The following RBM27 variants were observed in gnomAD, a reference collection of about 807,000 sequenced individuals.
RBM27 encodes the protein RNA binding motif protein 27.
A neutral mutation model predicts 135.3 loss-of-function variants in RBM27; 22 were observed. The ratio of observed to expected loss-of-function variants is 0.16; its 90% CI spans 0.12 to 0.23. The LOEUF (loss-of-function observed/expected upper bound fraction) is 0.23, where lower values mean the gene tolerates loss of function less well. RBM27 is among the 10% of genes least tolerant of loss of function. RBM27 has a pLI of 1.00. For synonymous variants in RBM27, 481 were observed against 442.4 expected, an observed-to-expected ratio of 1.09 and a Z score of -1.10; for missense variants, 1,009 against 1,281.0, an observed-to-expected ratio of 0.79 and a Z score of 3.24.
rs140447623 is a variant in RBM27 at position 146,228,257 on chromosome 5, A to G, written c.304-689A>G. ...ATTATCAGGTAGATGGACATGTTTCATAATTTATAGAGGGACCATTCTTTC... is the reference window on the plus strand; with the variant it reads ...ATTATCAGGTAGATGGACATGTTTCGTAATTTATAGAGGGACCATTCTTTC... On this transcript the variant is annotated intron_variant, in intron 3 of 20. Transcript: ENST00000265271. Among the ~76,000 whole-genome samples, 450 of 147,992 alleles carry G rather than the reference A, an allele frequency of 3.0e-3. 2 individuals are homozygous for G. The highest frequency in any genetic ancestry group is 0.011 in the Middle Eastern group (3 of 284).
chr5:146,224,694 A>C (rs1214659371), intron 3 of RBM27, among the ~76,000 whole-genome samples: 1 of 152,130 alleles, frequency 6.6e-6, no homozygotes, highest in Non-Finnish European at 1.5e-5. Context: ...GAAAGAAAAA[A>C]AAAAATTACG....
chr5:146,211,117 T>C (rs2126678663), intron 1 of RBM27, among the ~76,000 whole-genome samples: 1 of 151,040 alleles, frequency 6.6e-6, no homozygotes, highest in African/African-American at 2.4e-5. Flanking sequence ...TACAAAAAAA[T>C]AAAAAAAATA....
chr5:146,259,362 G>T (rs962327824), intron 11 of RBM27, among the ~76,000 whole-genome samples: 3 of 151,826 alleles, frequency 2.0e-5, no homozygotes, highest in African/African-American at 7.2e-5. Context: ...AAATTAGCCA[G>T]GTGTGGTGGC....
At chr5:146,215,715 T>C (rs1756160873) in intron 1 of RBM27, among the ~76,000 whole-genome samples, 1 of 152,198 alleles carries the variant, frequency 6.6e-6, no homozygotes, top group African/African-American at 2.4e-5. Flanking sequence ...ATCTGTTTTT[T>C]AAGGTGTTTA....
At chr5:146,234,850 A>G (rs1331251657) in intron 7 of RBM27, among the ~76,000 whole-genome samples, 2 of 151,914 alleles carry the variant, frequency 1.3e-5, no homozygotes, top group African/African-American at 2.4e-5. Flanking sequence ...CCTGGGCAAG[A>G]TGGCGAAACC....
chr5:146,219,204 G>T, intron 2 of RBM27, 101 bp downstream of exon 2: 1 of 765,548 alleles, frequency 1.3e-6, no homozygotes, highest in Non-Finnish European at 2.1e-6. Flanking sequence ...AAAGAAAGTA[G>T]TCAGAGTCCT....
intron 8 of RBM27, among the ~76,000 whole-genome samples, chr5:146,242,086 G>A (rs780059768): frequency 6.6e-5 from 10 of 151,780 alleles, no homozygotes; most frequent in Non-Finnish European, 1.0e-4. Flanking sequence ...CATCACACAC[G>A]GCCTCAAGGA....
chr5:146,234,469 T>G (rs1282967218), intron 7 of RBM27, among the ~76,000 whole-genome samples: 1 of 151,764 alleles, frequency 6.6e-6, no homozygotes, highest in Admixed American at 6.6e-5. Context: ...CACCAGTATG[T>G]ACTTCAGTAT....
intron 8 of RBM27, among the ~76,000 whole-genome samples, chr5:146,241,362 CT>C (rs1757401358): frequency 6.6e-6 from 1 of 152,174 alleles, no homozygotes. Context: ...GTGCCAGACA[CT>C]AGGGAGCCAA....
intron 7 of RBM27, among the ~76,000 whole-genome samples, chr5:146,235,692 C>A (rs1311434138): frequency 1.4e-5 from 2 of 144,042 alleles, no homozygotes; most frequent in Non-Finnish European, 3.0e-5. Context: ...CTTTTATTTT[C>A]TTTTTGAGAC....
Position 146,233,554 on chromosome 5 carries a change from C to T in RBM27, c.955C>T (p.Pro319Ser), listed in dbSNP as rs749579647. 3.1e-6 allele frequency: 5 copies of T among 1,613,528 alleles called. No individual in the cohort carries two copies. Among genetic ancestry groups the T allele is most frequent in the South Asian group, 1.1e-5 (1 of 91,000 alleles). The change falls in exon 7 of 21, where the codon CCT (proline) becomes TCT (serine). Residue 319 changes from proline (P) to serine (S), a missense_variant. Physicochemically the swap from Pro to Ser is moderately conservative, Grantham distance 74. Around this residue, in one of 6 missense-constraint regions of RBM27, gnomAD observed 329 missense variants for 368.1 expected, o/e 0.89. Coordinates refer to ENST00000265271, the MANE Select transcript of RBM27 (RefSeq NM_018989.2). The part of the protein sequence containing the change: ...ALPSMIPFPP[P>S]PPGLPPPPPP... ...GCCAAGTATGATTCCTTTCCCACCC[C>T]CTCCTCCTGGGCTTCCTCCTCCACC...
intron 1 of RBM27, among the ~76,000 whole-genome samples, chr5:146,211,464 C>CTTTT (rs57117642): frequency 0.02 from 982 of 49,974 alleles, 15 homozygotes; most frequent in Non-Finnish European, 0.022. Flanking sequence ...ATGGTCTTAT[C>CTTTT]TTTTTTTTTT....
intron 19 of RBM27, among the ~76,000 whole-genome samples, chr5:146,275,868 T>G (rs1451058992): frequency 1.3e-5 from 2 of 152,176 alleles, no homozygotes; most frequent in Non-Finnish European, 2.9e-5. Flanking sequence ...CTCATTTAAC[T>G]GTAAGAATTT....
chr5:146,271,375 A>G (rs900655451), intron 18 of RBM27, 108 bp from the exon 19 acceptor site: 19 of 1,040,196 alleles, frequency 1.8e-5, no homozygotes, highest in Non-Finnish European at 1.9e-5. Flanking sequence ...ACTCGAGCCT[A>G]GGCAACGAGA....
intron 8 of RBM27, among the ~76,000 whole-genome samples, chr5:146,246,331 C>G (rs906260363): frequency 1.3e-5 from 2 of 152,020 alleles, no homozygotes; most frequent in African/African-American, 2.4e-5. Context: ...TTTATTCTGA[C>G]TAGAGTTAAT....
In RBM27 at chr5:146,233,696, C is replaced by G. The variant is rs1023976725; in HGVS notation, c.1097C>G (p.Pro366Arg). Residue 366 changes from proline to arginine, a missense_variant, in exon 7 of 21, where the codon CCC (proline) becomes CGC (arginine). Transcript: ENST00000265271. ...GGCCATAGTATGAGACTTCCTGTTC[C>G]CCAAGGACATGGTCAGCCTCCACCA... ...GPGHSMRLPV[P>R]QGHGQPPPSV... is the part of the protein sequence containing the mutation. 2.0e-6 allele frequency: 3 copies of G among 1,497,852 alleles called. No homozygotes were observed. Among genetic ancestry groups the G allele is most frequent in the Non-Finnish European group, 2.7e-6 (3 of 1,126,512 alleles). 92.8% of individuals were successfully genotyped at this position (1,497,852 alleles called of 1,614,324 possible).
At chr5:146,239,472 CTTTTTTTTTTTTTTTTTT>C (rs916182587) in intron 8 of RBM27, among the ~76,000 whole-genome samples, 1 of 55,360 alleles carries the variant, frequency 1.8e-5, no homozygotes, top group Non-Finnish European at 3.5e-5. Flanking sequence ...TTTTCCTTTT[CTTTTTTTTTTTTTTTTTT>C]TTTTTGAGAC....
chr5:146,225,020 G>T (rs1291894216), intron 3 of RBM27, among the ~76,000 whole-genome samples: 6 of 152,106 alleles, frequency 3.9e-5, no homozygotes, highest in Non-Finnish European at 8.8e-5. Flanking sequence ...ATGATACTGT[G>T]ATCAAGTTCA....
chr5:146,231,970 T>C (rs1756952619), intron 6 of RBM27, among the ~76,000 whole-genome samples: 1 of 152,228 alleles, frequency 6.6e-6, no homozygotes, highest in Non-Finnish European at 1.5e-5. Context: ...AGAAGTTACT[T>C]ACAAGTTTGA....
Sources: gnomAD v4.1 joint callset for allele counts (sites outside exome capture counted in the v4.1 genomes callset) on GRCh38, gnomAD v4.1.1 for gene constraint, gnomAD v4.1.1 regional missense constraint, MANE v1.5 for transcripts, NCBI Gene and HGNC (gene_info 2026-07-23, HGNC 2026-07-21) for gene names.